The following HM13 variants were observed in gnomAD, a reference collection of about 807,000 sequenced individuals.
The protein encoded by HM13 is signal peptide peptidase.
Under a neutral mutation model 50.0 loss-of-function variants are expected in HM13, and 18 were observed. The observed-to-expected ratio is 0.36, with a 90% CI of 0.25 to 0.53. The LOEUF (loss-of-function observed/expected upper bound fraction) is 0.53, where lower values mean the gene tolerates loss of function less well. Among genes scored for constraint, HM13 ranks in the 20% least tolerant of loss-of-function variants. The pLI, the probability that HM13 is intolerant of heterozygous loss-of-function variation, is 0.90. For missense variants in HM13, 393 were observed against 552.4 expected (o/e 0.71, Z 2.89); for synonymous variants, 197 against 232.6 (o/e 0.85, Z 1.39).
intron 4 of HM13, 121 bp downstream of exon 4, chr20:31,545,156 A>G (rs1050104021): frequency 9.1e-6 from 7 of 770,346 alleles, no homozygotes; most frequent in African/African-American, 5.2e-5. Flanking sequence ...CTGGAATTCC[A>G]TGGCCTGGAT....
chr20:31,557,967 C>T (rs890169962), intron 8 of HM13, among the ~76,000 whole-genome samples: 1 of 152,170 alleles, frequency 6.6e-6, no homozygotes, highest in Non-Finnish European at 1.5e-5. Context: ...CTCGGCCTCC[C>T]AAAGTGCTGG....
intron 2 of HM13, 191 bp downstream of exon 2, chr20:31,527,773 G>A (rs1455303576): frequency 3.0e-5 from 16 of 536,936 alleles, no homozygotes; most frequent in African/African-American, 7.8e-5. Flanking sequence ...TCACTAGTCC[G>A]TATTTCTTTT....
Position 31,525,939 on chromosome 20 carries a change from G to A in HM13, c.184-1545G>A, listed in dbSNP as rs1011288526. ...CCAGGAGTTTGAGACCAGCCTGGCC[G>A]ACATTGTGAAACCCCCTCTCTGCAA... On this transcript the variant is annotated intron_variant, in intron 1 of 12. Transcript: ENST00000398174. Among the ~76,000 whole-genome samples the A allele has an allele frequency of 4.6e-5, 7 of 151,812 alleles. 1 individual carries two copies. Among genetic ancestry groups the A allele is most frequent in the East Asian group, 3.9e-4 (2 of 5,138 alleles).
chr20:31,549,491 A>G (rs1568793268), intron 6 of HM13, among the ~76,000 whole-genome samples, 159 bp downstream of exon 6: 1 of 152,126 alleles, frequency 6.6e-6, no homozygotes, highest in Non-Finnish European at 1.5e-5. Flanking sequence ...CATCTGTGAG[A>G]TGGAGCCAGA....
intron 10 of HM13, among the ~76,000 whole-genome samples, chr20:31,565,410 C>T (rs1249917198): frequency 2.7e-5 from 4 of 145,714 alleles, no homozygotes; most frequent in East Asian, 2.0e-4. Flanking sequence ...ACCCTGGAGG[C>T]GGAGGTTGCA....
chr20:31,521,728 C>CAA (rs58104065), intron 1 of HM13, among the ~76,000 whole-genome samples: 31,033 of 88,566 alleles, frequency 0.35, 6,254 homozygotes, highest in African/African-American at 0.61. Context: ...GACTCCATCT[C>CAA]AAAAAAAAAA....
intron 7 of HM13, 63 bp from the exon 8 acceptor site, chr20:31,554,683 A>G: frequency 1.0e-6 from 1 of 952,982 alleles, no homozygotes; most frequent in Non-Finnish European, 1.5e-6. Context: ...CTCCGTCTCA[A>G]AAAAAAAAAA....
chr20:31,542,642 A>G (rs1983509572), intron 3 of HM13, among the ~76,000 whole-genome samples: 1 of 152,202 alleles, frequency 6.6e-6, no homozygotes, highest in Non-Finnish European at 1.5e-5. Context: ...TCTCAAGTCC[A>G]CAGGCTCGCG....
chr20:31,567,489 T>A (rs1984991478), intron 11 of HM13, among the ~76,000 whole-genome samples: 1 of 151,924 alleles, frequency 6.6e-6, no homozygotes, highest in Non-Finnish European at 1.5e-5. Flanking sequence ...ATTCTTAGAT[T>A]GGGGTAAAAA....
At chr20:31,519,264 G>T (rs747249680) in intron 1 of HM13, among the ~76,000 whole-genome samples, 6 of 152,142 alleles carry the variant, frequency 3.9e-5, no homozygotes, top group Non-Finnish European at 8.8e-5. Context: ...ATCATGCCTG[G>T]CTAATTTTTG....
chr20:31,546,596 CAAA>C (rs1227617947), intron 4 of HM13, among the ~76,000 whole-genome samples: 1 of 151,108 alleles, frequency 6.6e-6, no homozygotes, highest in Non-Finnish European at 1.5e-5. Context: ...ACTAAAAACA[CAAA>C]AAAAATTAGC....
rs557763486 is a variant in HM13 at position 31,544,882 on chromosome 20, G to T, written c.366-65G>T. On this transcript the variant is annotated intron_variant, in intron 3 of 12. Transcript: ENST00000398174. ...AGGGTGCCAGCTGTAAATGGGGCAG[G>T]GGTGTGTTAAGGCTGACTGCCCATG... 7.3e-5 allele frequency: 92 copies of T among 1,257,188 alleles called. 1 individual carries two copies. The South Asian group carries it at 1.1e-3, about 15-fold the overall frequency. The allele number at this position is 1,257,188 out of a possible 1,614,324, so 77.9% of individuals were successfully genotyped here.
intron 1 of HM13, among the ~76,000 whole-genome samples, chr20:31,523,255 T>G (rs1340740511): frequency 1.3e-5 from 2 of 150,618 alleles, no homozygotes; most frequent in Non-Finnish European, 2.9e-5. Flanking sequence ...TTCACCATGT[T>G]GGCCAGGCTG....
chr20:31,548,890 T>C, intron 4 of HM13, 139 bp from the exon 5 acceptor site: 2 of 760,310 alleles, frequency 2.6e-6, no homozygotes, highest in South Asian at 3.0e-5. Flanking sequence ...CATACTAATC[T>C]GGGGCAGCCA....
intron 7 of HM13, 69 bp downstream of exon 7, chr20:31,550,190 T>C (rs1983965539): frequency 8.9e-7 from 1 of 1,123,914 alleles, no homozygotes; most frequent in South Asian, 1.2e-5. Context: ...CACAGCCCGT[T>C]TCAGTCAGTG....
chr20:31,525,811 T>C (rs1982453115), intron 1 of HM13, among the ~76,000 whole-genome samples: 2 of 152,148 alleles, frequency 1.3e-5, no homozygotes, highest in African/African-American at 2.4e-5. Flanking sequence ...ACCAGTACTA[T>C]ATATCATTGA....
At chr20:31,565,583 T>C (rs1470385204) in intron 10 of HM13, among the ~76,000 whole-genome samples, 1 of 151,980 alleles carries the variant, frequency 6.6e-6, no homozygotes, top group East Asian at 1.9e-4. Context: ...ATAACCATCA[T>C]GGGATGTGGC....
intron 1 of HM13, among the ~76,000 whole-genome samples, chr20:31,519,843 C>CTTTT (rs35626235): frequency 8.0e-6 from 1 of 125,598 alleles, no homozygotes; most frequent in Non-Finnish European, 1.6e-5. Flanking sequence ...GCTATGCACA[C>CTTTT]TTTTTTTTTT....
chr20:31,528,661 TAG>T (rs1982636808), intron 2 of HM13, among the ~76,000 whole-genome samples: 1 of 152,236 alleles, frequency 6.6e-6, no homozygotes, highest in Non-Finnish European at 1.5e-5. Flanking sequence ...GTATTTTTAG[TAG>T]AGACAGGGTT....
Sources: allele counts gnomAD v4.1 joint callset (sites outside exome capture counted in the v4.1 genomes callset), GRCh38; gene constraint gnomAD v4.1.1; transcripts MANE v1.5; gene names NCBI Gene and HGNC (gene_info 2026-07-23, HGNC 2026-07-21).